The following ZNF454 variants were observed in gnomAD, a reference collection of about 807,000 sequenced individuals.
ZNF454 encodes the protein zinc finger protein 454.
A neutral mutation model predicts 48.2 loss-of-function variants in ZNF454; 30 were observed. The ratio of observed to expected loss-of-function variants is 0.62; its 90% CI spans 0.47 to 0.84. The LOEUF (loss-of-function observed/expected upper bound fraction) is 0.84. Ranked by LOEUF, ZNF454 falls within the 40% of genes least tolerant of loss-of-function variation. The probability of loss-of-function intolerance (pLI) is 0.00; values close to 1 mark genes in which losing one functional copy is unlikely to be tolerated. For missense variants in ZNF454, 510 were observed against 623.1 expected (o/e 0.82, Z 1.93); for synonymous variants, 204 against 211.4 (o/e 0.97, Z 0.30).
rs1759327823 is a variant in ZNF454 at position 178,946,288 on chromosome 5, G to A, written c.34-71G>A. ...AAATGCGCACAAGCTCCTAGGGGCT[G>A]CCAGTCTCTTTTCCAGAGAACCATG... is the stretch of plus-strand genomic sequence containing the variant. On this transcript the variant is annotated intron_variant, in intron 2 of 4. Transcript: ENST00000519564. The surrounding 1 kb of genome is among the most constrained non-coding windows in gnomAD (Gnocchi z 4.5). 3.8e-5 allele frequency: 60 copies of A among 1,583,194 alleles called. No homozygotes were observed. Among genetic ancestry groups the A allele is most frequent in the Non-Finnish European group, 4.7e-5 (55 of 1,170,008 alleles).
At chr5:178,974,473 C>G in the ZNF454 span, among the ~76,000 whole-genome samples, 7 of 152,126 alleles carry the variant, frequency 4.6e-5, no homozygotes, top group Non-Finnish European at 1.5e-5. Context: ...CGCCCGCCAC[C>G]ATGCCCGGCT....
intron 4 of ZNF454, among the ~76,000 whole-genome samples, chr5:178,951,080 G>T (rs1197780309): frequency 6.6e-6 from 1 of 151,878 alleles, no homozygotes; most frequent in African/African-American, 2.4e-5. Context: ...AGATGCTCTC[G>T]ATCTCCTGAC....
intron 4 of ZNF454, among the ~76,000 whole-genome samples, chr5:178,956,166 T>C (rs1759740436): frequency 6.6e-6 from 1 of 152,234 alleles, no homozygotes; most frequent in Non-Finnish European, 1.5e-5. Flanking sequence ...CAAGAACTCT[T>C]GTTTCTCTGA....
At chr5:178,985,580 G>A in the ZNF454 span, 16 of 345,306 alleles carry the variant, frequency 4.6e-5, no homozygotes, top group East Asian at 4.0e-4. Context: ...GCGGGCGCCT[G>A]TAGTCCCAGC....
chr5:178,967,549 G>T (rs1320335372), downstream of ZNF454, among the ~76,000 whole-genome samples: 1 of 152,074 alleles, frequency 6.6e-6, no homozygotes, highest in East Asian at 1.9e-4. Context: ...CTCCATCTGG[G>T]CCTTCCACTA....
chr5:178,950,870 T>C (rs1387224718), intron 4 of ZNF454, among the ~76,000 whole-genome samples: 3 of 151,838 alleles, frequency 2.0e-5, no homozygotes, highest in Non-Finnish European at 2.9e-5. Flanking sequence ...TCTTTTTTTT[T>C]TTTTTGAGAC....
rs1343071455 is a variant in ZNF454 at position 178,942,834 on chromosome 5, G to C, written c.33+10G>C. 1.2e-6 allele frequency: 2 copies of C among 1,610,980 alleles called. No individual in the cohort carries two copies. The highest frequency in any genetic ancestry group is 2.7e-5 in the African/African-American group (2 of 74,770). On this transcript the variant is annotated intron_variant, in intron 2 of 4. Coordinates refer to ENST00000519564, the MANE Select transcript of ZNF454 (RefSeq NM_001178089.3). ...GCCAACCATGGTCCAGGTGAGTGGG[G>C]GTTTCTTCCCCCTAAATTGCTTTCT...
At chr5:178,971,285 G>T (rs1216003576), downstream of ZNF454, among the ~76,000 whole-genome samples, 1 of 152,190 alleles carries the variant, frequency 6.6e-6, no homozygotes, top group Non-Finnish European at 1.5e-5. Context: ...GGGAGTAGGG[G>T]GAAGCATGAA....
the ZNF454 span, chr5:178,982,737 G>T: frequency 1.8e-5 from 11 of 621,716 alleles, no homozygotes; most frequent in Non-Finnish European, 3.2e-5. Flanking sequence ...AAGAAGAGGG[G>T]TTAGAAGCTT....
chr5:178,946,380 G>A lies in ZNF454; in HGVS notation c.55G>A (p.Val19Met). 1 of 1,612,252 alleles carries A rather than the reference G, an allele frequency of 6.2e-7. No homozygotes were observed. The highest frequency in any genetic ancestry group is 8.5e-7 in the Non-Finnish European group (1 of 1,179,202). Residue 19 changes from valine (V) to methionine (M), a missense_variant, in exon 3 of 5, where the codon GTG becomes ATG. Physicochemically the swap from Val to Met is conservative, Grantham distance 21. This residue lies in a region of ZNF454 where 354 missense variants were observed against 408.9 expected (regional missense o/e 0.87). Coordinates refer to ENST00000519564, the MANE Select transcript of ZNF454 (RefSeq NM_001178089.3). This position sits in a 1 kb window ranked among gnomAD's most constrained non-coding sequence, Gnocchi z 4.5. ...GCAGGAATCGGTGACCTTCAAGGAT[G>A]TGGCTATACTGTTCACCCAGGAAGA... Reference protein sequence around the residue: ...MVQESVTFKDVAILFTQEEWG... With the variant: ...MVQESVTFKDMAILFTQEEWG...
chr5:178,989,202 C>A, the ZNF454 span: 4 of 1,317,582 alleles, frequency 3.0e-6, no homozygotes, highest in Admixed American at 1.9e-5. Context: ...TCCCGCCTTC[C>A]CCCTCCCCAC....
At position 178,942,729 on chromosome 5, in the gene ZNF454, A is replaced by C. The variant is rs761520060; in HGVS notation, c.-63A>C. On this transcript the variant is annotated 5_prime_UTR_variant, in exon 2 of 5. Transcript: ENST00000519564. ...AGCCTGAGGAGTCCTGCAGGTGTGA[A>C]GCTCCACACCTGCCTCCATAGCACT... The C allele has an allele frequency of 6.3e-7, 1 of 1,599,412 alleles. No homozygotes were observed. The highest frequency in any genetic ancestry group is 8.6e-7 in the Non-Finnish European group (1 of 1,167,244).
intron 4 of ZNF454, among the ~76,000 whole-genome samples, chr5:178,948,470 G>A (rs950439173): frequency 2.0e-5 from 3 of 152,154 alleles, no homozygotes; most frequent in Non-Finnish European, 2.9e-5. Flanking sequence ...CATGATTCAT[G>A]GAGTCTAATT....
At chr5:178,957,473 G>A (rs541952855) in intron 4 of ZNF454, among the ~76,000 whole-genome samples, 1 of 151,176 alleles carries the variant, frequency 6.6e-6, no homozygotes, top group South Asian at 2.1e-4. Context: ...GCAGTGGCAC[G>A]ATCTCGGCTC....
At chr5:178,989,285 T>C in the ZNF454 span, 1 of 1,601,488 alleles carries the variant, frequency 6.2e-7, no homozygotes, top group Non-Finnish European at 8.5e-7. Flanking sequence ...GCGGGTGGAA[T>C]CGTCTGACTG....
chr5:178,974,825 G>C, the ZNF454 span, among the ~76,000 whole-genome samples: 1 of 152,164 alleles, frequency 6.6e-6, no homozygotes, highest in African/African-American at 2.4e-5. Context: ...TAAGTAGCTT[G>C]TCCAAGATCA....
At chr5:178,985,907 A>T in the ZNF454 span, 1 of 582,142 alleles carries the variant, frequency 1.7e-6, no homozygotes, top group East Asian at 3.0e-5. Context: ...GACTACAGGC[A>T]CGCACCACCA....
intron 4 of ZNF454, among the ~76,000 whole-genome samples, chr5:178,960,638 T>C (rs1236855831): frequency 6.6e-6 from 1 of 151,838 alleles, no homozygotes; most frequent in Non-Finnish European, 1.5e-5. Flanking sequence ...TTGATTTATC[T>C]ATTTTTCCTT....
intron 4 of ZNF454, among the ~76,000 whole-genome samples, chr5:178,957,359 A>T (rs1246331888): frequency 6.6e-6 from 1 of 152,150 alleles, no homozygotes; most frequent in Admixed American, 6.5e-5. Context: ...ATGCCACTTC[A>T]AAGCCTACAT....
Sources: allele counts gnomAD v4.1 joint callset (sites outside exome capture counted in the v4.1 genomes callset), GRCh38; gene constraint gnomAD v4.1.1; regional missense constraint gnomAD v4.1.1; non-coding constraint Gnocchi (gnomAD v3.1); transcripts MANE v1.5; gene names NCBI Gene and HGNC (gene_info 2026-07-23, HGNC 2026-07-21).